Variants in GOLGA5 observed in about 807,000 individuals in gnomAD.
GOLGA5 encodes golgin subfamily A member 5.
A neutral mutation model predicts 93.5 loss-of-function variants in GOLGA5; 50 were observed. The observed-to-expected ratio is 0.53, with a 90% CI of 0.43 to 0.68. The LOEUF is 0.68. GOLGA5 is among the 30% of genes least tolerant of loss of function. The pLI is 0.00. For missense variants in GOLGA5, 760 were observed against 856.4 expected, an observed-to-expected ratio of 0.89 and a Z score of 1.40; for synonymous variants, 312 against 304.5, an observed-to-expected ratio of 1.02 and a Z score of -0.26.
Position 92,837,426 on chromosome 14 carries a change from C to T in GOLGA5, c.2092C>T (p.Arg698Ter), listed in dbSNP as rs766925640. Residue 698 changes from arginine to a stop codon, truncating the protein, a stop_gained, in exon 12 of 13, where the codon CGA becomes TGA. Coordinates refer to ENST00000163416, the MANE Select transcript of GOLGA5 (RefSeq NM_005113.4). LOFTEE classifies it high-confidence loss of function. ...TTTTCTCCGAAGATACCCCATAGCG[C>T]GAGTTTTTGTAATTATATATATGGT... ...GIFLRRYPIARVFVIIYMALL... is the reference protein window; with the variant it reads ...GIFLRRYPIA 1.3e-6 allele frequency: 2 copies of T among 1,522,224 alleles called. No homozygotes were observed. The highest frequency in any genetic ancestry group is 1.8e-6 in the Non-Finnish European group (2 of 1,097,184). 94.3% of individuals were successfully genotyped at this position (1,522,224 alleles called of 1,614,324 possible).
rs1347269339 is a variant in GOLGA5, at chr14:92,823,526, C to T, written c.1621-1020C>T. On this transcript the variant is annotated intron_variant, in intron 8 of 12. Transcript: ENST00000163416. ...CCTCCTCAGGCTCAGGTAATTCTCC[C>T]ACGTCAACCTCCTGAGTAGCTGGGA... Among the ~76,000 whole-genome samples, 3 of 151,564 alleles carry T rather than the reference C, an allele frequency of 2.0e-5. No homozygotes were observed. The East Asian group carries it at 5.8e-4, about 29-fold the overall frequency.
chr14:92,839,437 T>C lies in GOLGA5; in HGVS notation c.2187T>C (p.Tyr729=). 1 of 1,606,228 alleles carries C rather than the reference T, an allele frequency of 6.2e-7. No individual in the cohort carries two copies. The change falls in exon 13 of 13, where the codon TAT becomes TAC. Residue 729 remains tyrosine, a synonymous_variant. Coordinates refer to ENST00000163416, the MANE Select transcript of GOLGA5 (RefSeq NM_005113.4). ...YTPEMHHDQP[Y]GK is the part of the protein sequence containing the mutation. ...CAGAAATGCACCACGACCAACCATA[T>C]GGCAAATGAACCAAGCCCAGTTGTT... is the stretch of plus-strand genomic sequence containing the variant.
intron 2 of GOLGA5, among the ~76,000 whole-genome samples, chr14:92,804,332 C>A (rs530428458): frequency 3.3e-5 from 5 of 152,206 alleles, no homozygotes; most frequent in African/African-American, 1.2e-4. Context: ...TCCCAAAGTG[C>A]TGGGATTACA....
intron 12 of GOLGA5, among the ~76,000 whole-genome samples, chr14:92,838,049 TACAAA>T (rs1234839894): frequency 1.3e-5 from 2 of 152,224 alleles, no homozygotes; most frequent in African/African-American, 4.8e-5. Flanking sequence ...ACAATTTGAA[TACAAA>T]ACAATTTTTT....
At chr14:92,812,432 TCCTG>T (rs1270271634) in intron 6 of GOLGA5, among the ~76,000 whole-genome samples, 10 of 152,188 alleles carry the variant, frequency 6.6e-5, no homozygotes. Context: ...GATCTCGGAC[TCCTG>T]CCTAAGAGAA....
At chr14:92,836,266 G>A (rs1303126711) in intron 11 of GOLGA5, among the ~76,000 whole-genome samples, 2 of 152,090 alleles carry the variant, frequency 1.3e-5, no homozygotes, top group Non-Finnish European at 2.9e-5. Flanking sequence ...TCTTTGTAGT[G>A]TTTATAATGA....
chr14:92,833,050 T>G, intron 9 of GOLGA5, 72 bp from the exon 10 acceptor site: 2 of 823,116 alleles, frequency 2.4e-6, no homozygotes, highest in Admixed American at 1.8e-5. Context: ...CCTATGAAAA[T>G]GTAGTAGTGT....
At chr14:92,824,043 T>C (rs970829208) in intron 8 of GOLGA5, among the ~76,000 whole-genome samples, 2 of 152,274 alleles carry the variant, frequency 1.3e-5, no homozygotes, top group South Asian at 4.1e-4. Context: ...TTGATTTTTA[T>C]ATATTGTTTT....
intron 4 of GOLGA5, among the ~76,000 whole-genome samples, chr14:92,809,942 G>T (rs958549024): frequency 6.6e-6 from 1 of 152,214 alleles, no homozygotes; most frequent in Non-Finnish European, 1.5e-5. Context: ...TGGGCAAAAA[G>T]AGCGAAACTC....
intron 1 of GOLGA5, among the ~76,000 whole-genome samples, chr14:92,796,662 A>T (rs1884734003): frequency 6.6e-6 from 1 of 152,080 alleles, no homozygotes; most frequent in Admixed American, 6.5e-5. Context: ...CCCATAACAG[A>T]TGCTTTTGCT....
At chr14:92,813,564 C>G (rs549796363) in intron 6 of GOLGA5, among the ~76,000 whole-genome samples, 1 of 152,302 alleles carries the variant, frequency 6.6e-6, no homozygotes, top group East Asian at 1.9e-4. Flanking sequence ...GGGACTGCAG[C>G]TAGTTCCATA....
intron 4 of GOLGA5, 91 bp from the exon 5 acceptor site, chr14:92,810,163 C>T: frequency 3.6e-6 from 3 of 841,980 alleles, no homozygotes; most frequent in Non-Finnish European, 5.7e-6. Flanking sequence ...CTTTTTTGTG[C>T]TTGACTAAAG....
intron 9 of GOLGA5, among the ~76,000 whole-genome samples, chr14:92,825,098 C>G (rs1449677574): frequency 6.6e-6 from 1 of 152,166 alleles, no homozygotes; most frequent in African/African-American, 2.4e-5. Context: ...ACCACCCAGA[C>G]TTACCAAAGC....
intron 2 of GOLGA5, among the ~76,000 whole-genome samples, chr14:92,806,126 G>A (rs1884980611): frequency 6.6e-6 from 1 of 152,036 alleles, no homozygotes; most frequent in African/African-American, 2.4e-5. Context: ...GAGACAAAAG[G>A]AAATCCAAAC....
chr14:92,825,819 A>G (rs551020584), intron 9 of GOLGA5, among the ~76,000 whole-genome samples: 1 of 141,868 alleles, frequency 7.0e-6, no homozygotes, highest in South Asian at 2.4e-4. Context: ...GTGCACCTCT[A>G]CACTCCACCT....
At chr14:92,821,791 T>C (rs895890961) in intron 8 of GOLGA5, among the ~76,000 whole-genome samples, 1 of 152,188 alleles carries the variant, frequency 6.6e-6, no homozygotes, top group African/African-American at 2.4e-5. Flanking sequence ...GCAGGGTATG[T>C]CATAGGCAGT....
intron 1 of GOLGA5, among the ~76,000 whole-genome samples, chr14:92,794,781 C>T (rs1884683388): frequency 6.6e-6 from 1 of 152,214 alleles, no homozygotes; most frequent in Non-Finnish European, 1.5e-5. Flanking sequence ...CCCCAGGGCT[C>T]TACGGACTGG....
chr14:92,817,688 A>T (rs2140325155), intron 7 of GOLGA5, among the ~76,000 whole-genome samples: 1 of 152,210 alleles, frequency 6.6e-6, no homozygotes, highest in African/African-American at 2.4e-5. Context: ...CCATGCATTA[A>T]CTCTGCACAT....
intron 6 of GOLGA5, 81 bp downstream of exon 6, chr14:92,811,835 T>C: frequency 1.0e-6 from 1 of 979,880 alleles, no homozygotes; most frequent in East Asian, 2.5e-5. Flanking sequence ...AGATACTGTG[T>C]GAGGTGCTTT....
Sources: allele counts gnomAD v4.1 joint callset (sites outside exome capture counted in the v4.1 genomes callset), GRCh38; gene constraint gnomAD v4.1.1; transcripts MANE v1.5; gene names NCBI Gene and HGNC (gene_info 2026-07-23, HGNC 2026-07-21).